The following CCDC7 variants were observed in gnomAD, a reference collection of about 807,000 sequenced individuals.
CCDC7 encodes the protein coiled-coil domain-containing protein 7.
CCDC7 carries 183 observed loss-of-function variants against 196.9 expected under a neutral mutation model. The ratio of observed to expected loss-of-function variants is 0.93; its 90% CI spans 0.82 to 1.05. The LOEUF (loss-of-function observed/expected upper bound fraction) is 1.05, where lower values mean the gene tolerates loss of function less well. Ranked by LOEUF, CCDC7 falls within the 50% of genes least tolerant of loss-of-function variation. The pLI is 0.00. For synonymous variants in CCDC7, 525 were observed against 484.6 expected (o/e 1.08, Z -1.10); for missense variants, 1,540 against 1,482.2 (o/e 1.04, Z -0.64).
intron 32 of CCDC7, among the ~76,000 whole-genome samples, chr10:32,825,579 A>T (rs922252133): frequency 1.3e-5 from 2 of 152,080 alleles, no homozygotes; most frequent in Admixed American, 1.3e-4. Flanking sequence ...CCTCTAGAGA[A>T]CCCTAACTGA....
chr10:32,595,277 G>C (rs1029204296), intron 18 of CCDC7, among the ~76,000 whole-genome samples: 3 of 152,150 alleles, frequency 2.0e-5, no homozygotes, highest in African/African-American at 7.2e-5. Context: ...TTAGTCTTGG[G>C]AGGGTATATG....
intron 14 of CCDC7, among the ~76,000 whole-genome samples, chr10:32,566,450 T>C (rs2056804427): frequency 6.6e-6 from 1 of 152,138 alleles, no homozygotes; most frequent in Non-Finnish European, 1.5e-5. Context: ...TAAATGTCCA[T>C]TGTTAAGGAG....
chr10:32,571,875 G>A, exon 16 of CCDC7: 1 of 1,571,262 alleles, frequency 6.4e-7, no homozygotes, highest in South Asian at 1.2e-5. Context: ...GCCCAAAGCG[G>A]AAGACTGATT....
chr10:32,685,289 A>C (rs2076342621), intron 21 of CCDC7, among the ~76,000 whole-genome samples: 1 of 151,458 alleles, frequency 6.6e-6, no homozygotes, highest in Non-Finnish European at 1.5e-5. Context: ...TTGCTTTTAC[A>C]ACTCTATGTA....
intron 40 of CCDC7, 51 bp from the exon 42 acceptor site, chr10:32,854,349 A>C (rs1288969862): frequency 1.9e-6 from 2 of 1,052,136 alleles, no homozygotes; most frequent in Non-Finnish European, 2.8e-6. Flanking sequence ...TTAAAAGTTG[A>C]AATTACTTAA....
downstream of CCDC7, among the ~76,000 whole-genome samples, chr10:32,880,789 G>A (rs941447470): frequency 7.2e-5 from 11 of 152,140 alleles, no homozygotes. Flanking sequence ...TTATTAGACA[G>A]GGCATCCTTT....
At chr10:32,745,472 G>A (rs79181001) in intron 28 of CCDC7, among the ~76,000 whole-genome samples, 12,605 of 152,186 alleles carry the variant, frequency 0.083, 573 homozygotes, top group East Asian at 0.16. Context: ...AAGTGAGGGA[G>A]CAAAAGAAAG....
At chr10:32,629,370 A>G (rs1190104489) in intron 18 of CCDC7, among the ~76,000 whole-genome samples, 2 of 151,914 alleles carry the variant, frequency 1.3e-5, no homozygotes, top group African/African-American at 2.4e-5. Context: ...GCAAGTTTAA[A>G]AGTCACCTTT....
chr10:32,748,870 AGT>A lies in CCDC7; in HGVS notation c.2905+19415_2905+19416del, dbSNP rs1044271965. Among the ~76,000 whole-genome samples, 86 of 152,254 alleles carry A rather than the reference AGT, an allele frequency of 5.6e-4. No homozygotes were observed. The Middle Eastern group carries it at 0.014, about 24-fold the overall frequency. The stretch of plus-strand genomic sequence containing the variant: ...AACAGACTGCTCTGGCATATTTTGA[AGT>A]GGTTCCTTTTTCCTTTCCCTCTCTT... On this transcript the variant is annotated intron_variant, in intron 28 of 41. Coordinates refer to ENST00000639629, the Ensembl canonical transcript of CCDC7.
At chr10:32,496,017 A>G (rs558009569) in intron 9 of CCDC7, among the ~76,000 whole-genome samples, 36 of 152,200 alleles carry the variant, frequency 2.4e-4, no homozygotes, top group African/African-American at 8.4e-4. Context: ...GATTCTTCCT[A>G]TCTATGAGCA....
At chr10:32,620,095 G>A (rs1174690413) in intron 18 of CCDC7, among the ~76,000 whole-genome samples, 1 of 151,506 alleles carries the variant, frequency 6.6e-6, no homozygotes, top group Non-Finnish European at 1.5e-5. Context: ...GCTAATTTTT[G>A]TATTTTTAGT....
At chr10:32,541,010 A>C (rs529369221) in intron 11 of CCDC7, among the ~76,000 whole-genome samples, 1 of 150,074 alleles carries the variant, frequency 6.7e-6, no homozygotes, top group African/African-American at 2.4e-5. Flanking sequence ...GGAACCAATC[A>C]GTCATAGATT....
Position 32,730,325 on chromosome 10 carries a change from A to T in CCDC7, c.2905+868A>T, listed in dbSNP as rs187993594. On this transcript the variant is annotated intron_variant, in intron 28 of 41. Coordinates refer to ENST00000639629, the Ensembl canonical transcript of CCDC7. ...ATAACCATATATAATCTAATTATTG[A>T]TTTTTTAGGTGCAATTATATCATTT... Among the ~76,000 whole-genome samples, 425 of 152,044 alleles carry T rather than the reference A, an allele frequency of 2.8e-3. 2 individuals are homozygous for T. In the South Asian group the frequency reaches 0.03, roughly 11 times the overall value.
At chr10:32,734,085 C>A (rs987686758) in intron 28 of CCDC7, among the ~76,000 whole-genome samples, 2 of 152,070 alleles carry the variant, frequency 1.3e-5, no homozygotes, top group East Asian at 3.9e-4. Context: ...TGGGTATATA[C>A]CCAGAGGAAT....
intron 20 of CCDC7, among the ~76,000 whole-genome samples, chr10:32,636,864 A>G (rs2065752244): frequency 6.6e-6 from 1 of 152,012 alleles, no homozygotes; most frequent in African/African-American, 2.4e-5. Context: ...AAGTGTTGCT[A>G]TTTCTCCACA....
chr10:32,819,036 T>G (rs540999036), intron 31 of CCDC7, among the ~76,000 whole-genome samples: 2 of 152,198 alleles, frequency 1.3e-5, no homozygotes, highest in African/African-American at 4.8e-5. Flanking sequence ...GCTGGTTTTT[T>G]GAAAAGATCA....
At chr10:32,574,427 A>T (rs1227400758) in intron 16 of CCDC7, 59 of 1,582,412 alleles carry the variant, frequency 3.7e-5, no homozygotes, top group Non-Finnish European at 4.6e-5. Flanking sequence ...GTTACTTCTT[A>T]GATGCTAATA....
In CCDC7 at chr10:32,717,693, A is replaced by G. The variant is rs571119122; in HGVS notation, c.2569+5963A>G. Among the ~76,000 whole-genome samples the G allele has an allele frequency of 5.9e-5, 9 of 152,290 alleles. 1 individual carries two copies. In the South Asian group the frequency reaches 1.9e-3, roughly 32 times the overall value. On this transcript the variant is annotated intron_variant, in intron 25 of 41. Transcript: ENST00000639629. ...GACACAATAAAAAATGATAAAGGGG[A>G]TATCACCCCTGATCCCACAGAAATA...
Position 32,729,455 on chromosome 10 carries a change from AAAGT to A in CCDC7, c.2905+5_2905+8del, listed in dbSNP as rs749142169. On this transcript the variant is annotated splice_donor_variant and coding_sequence_variant, in exon 28 of 42. Coordinates refer to ENST00000639629, the Ensembl canonical transcript of CCDC7. LOFTEE classifies it high-confidence loss of function. ...CTTCAAGCTAAAGTAACTTCAAGAA[AAAGT>A]AAGTAATTATTTATAAATCTTATAA... is the stretch of plus-strand genomic sequence containing the variant. The A allele has an allele frequency of 2.9e-5, 35 of 1,196,408 alleles. No homozygotes were observed. In the African/African-American group the frequency reaches 3.2e-4, roughly 11 times the overall value. 74.1% of individuals were successfully genotyped at this position (1,196,408 alleles called of 1,614,324 possible). A position where few individuals can be genotyped will look rare whatever the true frequency, so the allele number is the denominator to read the frequency against.
Sources: allele counts gnomAD v4.1 joint callset (sites outside exome capture counted in the v4.1 genomes callset), GRCh38; gene constraint gnomAD v4.1.1; transcripts MANE v1.5; gene names NCBI Gene and HGNC (gene_info 2026-07-23, HGNC 2026-07-21).